Variants in PTPRG observed in about 807,000 individuals in gnomAD.
PTPRG encodes receptor-type tyrosine-protein phosphatase gamma.
In PTPRG, 102 loss-of-function variants were observed where a neutral mutation model predicts 165.3. That is an observed-to-expected ratio of 0.62 (90% confidence interval 0.53 to 0.73). The LOEUF (loss-of-function observed/expected upper bound fraction) is 0.73. PTPRG is among the 30% of genes least tolerant of loss of function. The pLI is 0.00. For missense variants in PTPRG, 1,866 were observed against 1,861.4 expected, an observed-to-expected ratio of 1.00 and a Z score of -0.05; for synonymous variants, 675 against 669.5, an observed-to-expected ratio of 1.01 and a Z score of -0.13.
rs180953053 is a variant in PTPRG at position 61,973,819 on chromosome 3, C to T, written c.191-15806C>T. On this transcript the variant is annotated intron_variant, in intron 2 of 29. Transcript: ENST00000474889. Reference sequence around the variant, plus strand: ...CTGCACTCCAGCCTTGGTGACAGAGCGAGACTCCATTTCAAAATAAATAAA... The same window carrying T: ...CTGCACTCCAGCCTTGGTGACAGAGTGAGACTCCATTTCAAAATAAATAAA... Among the ~76,000 whole-genome samples the T allele has an allele frequency of 3.7e-3, 549 of 150,148 alleles. 3 individuals are homozygous for T. The highest frequency in any genetic ancestry group is 0.011 in the African/African-American group (454 of 40,404).
chr3:62,160,219 TG>T (rs1345257241), intron 7 of PTPRG, among the ~76,000 whole-genome samples: 4 of 152,336 alleles, frequency 2.6e-5, no homozygotes, highest in Admixed American at 2.6e-4. Context: ...AGTGTTGACT[TG>T]TATGATGTGG....
At chr3:61,752,802 G>GAAAAAA (rs532651498) in intron 2 of PTPRG, among the ~76,000 whole-genome samples, 8 of 103,720 alleles carry the variant, frequency 7.7e-5, no homozygotes, top group African/African-American at 2.7e-4. Flanking sequence ...AAAAAAAAAA[G>GAAAAAA]AAAAAAAAAA....
intron 13 of PTPRG, among the ~76,000 whole-genome samples, chr3:62,227,534 G>T (rs929083900): frequency 6.6e-6 from 1 of 152,242 alleles, no homozygotes; most frequent in African/African-American, 2.4e-5. Flanking sequence ...AGAGGAAACG[G>T]TTTCCAGAAG....
chr3:61,628,465 A>G (rs1353933490), intron 1 of PTPRG, among the ~76,000 whole-genome samples: 1 of 151,950 alleles, frequency 6.6e-6, no homozygotes, highest in African/African-American at 2.4e-5. Flanking sequence ...ACAGGTGTGC[A>G]CCACCACACC....
At chr3:61,917,681 G>A (rs954885888) in intron 2 of PTPRG, among the ~76,000 whole-genome samples, 7 of 152,186 alleles carry the variant, frequency 4.6e-5, no homozygotes, top group African/African-American at 1.7e-4. Flanking sequence ...TGTAATCCCA[G>A]CACTTTGCGA....
At chr3:62,059,732 T>C (rs1377084820) in intron 4 of PTPRG, among the ~76,000 whole-genome samples, 1 of 152,160 alleles carries the variant, frequency 6.6e-6, no homozygotes, top group Non-Finnish European at 1.5e-5. Flanking sequence ...AATCCTCACA[T>C]GTCATGGGAG....
At chr3:61,984,048 C>T (rs959029133) in intron 2 of PTPRG, among the ~76,000 whole-genome samples, 2 of 152,088 alleles carry the variant, frequency 1.3e-5, no homozygotes, top group Admixed American at 6.6e-5. Flanking sequence ...CCATTATTTT[C>T]ATGTGAGGAA....
chr3:62,092,206 G>A (rs1162420463), intron 5 of PTPRG, among the ~76,000 whole-genome samples: 1 of 151,820 alleles, frequency 6.6e-6, no homozygotes, highest in Admixed American at 6.6e-5. Flanking sequence ...TTGGGAGGCC[G>A]AGGCAGGTGG....
intron 2 of PTPRG, among the ~76,000 whole-genome samples, chr3:61,871,686 A>G (rs1389612110): frequency 6.6e-6 from 1 of 152,106 alleles, no homozygotes; most frequent in Non-Finnish European, 1.5e-5. Flanking sequence ...TTAGTTTTAT[A>G]TTTTAGAACT....
At position 62,203,584 on chromosome 3, in the gene PTPRG, G is replaced by A. The variant is rs1359497383; in HGVS notation, c.1789G>A (p.Glu597Lys). 1.3e-6 allele frequency: 2 copies of A among 1,552,594 alleles called. No homozygotes were observed. Among genetic ancestry groups the A allele is most frequent in the African/African-American group, 2.7e-5 (2 of 73,230 alleles). ...ESEDGEREHE[E>K]DGEKDSEKKE... The stretch of plus-strand genomic sequence containing the variant: ...TGAGGATGGGGAGCGGGAGCACGAG[G>A]AGGATGGAGAGAAGGACTCCGAAAA... The change falls in exon 12 of 30, where the codon GAG becomes AAG. Residue 597 changes from glutamate to lysine, a missense_variant. Glu to Lys is a moderately conservative substitution (Grantham distance 56). Coordinates refer to ENST00000474889, the MANE Select transcript of PTPRG (RefSeq NM_002841.4). This position sits in a 1 kb window ranked among gnomAD's most constrained non-coding sequence, Gnocchi z 6.4.
intron 4 of PTPRG, among the ~76,000 whole-genome samples, chr3:62,040,732 G>A (rs1014738962): frequency 3.9e-5 from 6 of 152,254 alleles, no homozygotes; most frequent in African/African-American, 1.4e-4. Flanking sequence ...GTGAGCCACC[G>A]TGCCCAGCCG....
intron 7 of PTPRG, among the ~76,000 whole-genome samples, chr3:62,165,137 T>C (rs1315764999): frequency 1.3e-5 from 2 of 152,228 alleles, no homozygotes; most frequent in East Asian, 3.9e-4. Context: ...CTTCCACATA[T>C]GAGGGGCTTT....
chr3:62,174,378 C>T (rs1033991474), intron 8 of PTPRG, among the ~76,000 whole-genome samples: 3 of 152,208 alleles, frequency 2.0e-5, no homozygotes, highest in African/African-American at 4.8e-5. Context: ...GGAGAGGACA[C>T]CGGGCTGCCT....
intron 2 of PTPRG, among the ~76,000 whole-genome samples, chr3:61,789,270 T>C (rs570213925): frequency 9.2e-5 from 14 of 152,098 alleles, no homozygotes; most frequent in Non-Finnish European, 1.8e-4. Flanking sequence ...TGGCTCATTT[T>C]TTAAAATTTT....
At chr3:62,113,781 G>C (rs1702755327) in intron 5 of PTPRG, among the ~76,000 whole-genome samples, 1 of 152,154 alleles carries the variant, frequency 6.6e-6, no homozygotes, top group African/African-American at 2.4e-5. Flanking sequence ...CTAGTAATAT[G>C]TAATAATCAT....
intron 4 of PTPRG, among the ~76,000 whole-genome samples, chr3:62,043,512 C>G (rs1226539837): frequency 6.6e-6 from 1 of 152,076 alleles, no homozygotes; most frequent in Non-Finnish European, 1.5e-5. Context: ...AGAGAATAAA[C>G]AAAGATAATA....
At chr3:61,803,978 A>G (rs1162192486) in intron 2 of PTPRG, among the ~76,000 whole-genome samples, 1 of 152,232 alleles carries the variant, frequency 6.6e-6, no homozygotes, top group Admixed American at 6.5e-5. Context: ...TCAGAGGGAT[A>G]TTCTGGAAAA....
chr3:62,273,774 T>C lies in PTPRG; in HGVS notation c.3395T>C (p.Leu1132Pro). Residue 1132 changes from leucine to proline, a missense_variant, in exon 23 of 30, where the codon CTG becomes CCG. Physicochemically the swap from Leu to Pro is moderately conservative, Grantham distance 98 (BLOSUM62 -3). Transcript: ENST00000474889. This position sits in a 1 kb window ranked among gnomAD's most constrained non-coding sequence, Gnocchi z 4.1. ...GKETEVSSNQ[L>P]HSYVNSILIP... The stretch of plus-strand genomic sequence containing the variant: ...GAGACTGAAGTATCTTCAAATCAGC[T>C]GCACAGCTATGTTAACAGCATCCTT... 6.2e-7 allele frequency: 1 copy of C among 1,613,814 alleles called. No individual in the cohort carries two copies. Among genetic ancestry groups the C allele is most frequent in the Non-Finnish European group, 8.5e-7 (1 of 1,179,752 alleles).
In PTPRG at chr3:62,081,256, C is replaced by CAAAA. The variant is rs748197071; in HGVS notation, c.615+2999_615+3002dup. 6.9e-4 allele frequency among the ~76,000 whole-genome samples: 59 copies of CAAAA among 85,504 alleles called. 5 individuals are homozygous for CAAAA. The highest frequency in any genetic ancestry group is 1.1e-3 in the African/African-American group (15 of 13,772). The allele number at this position is 85,504 out of a possible 152,430, so 56.1% of individuals were successfully genotyped here. On this transcript the variant is annotated intron_variant, in intron 5 of 29. Transcript: ENST00000474889. ...TGGGCGACAGAGTGAGACTCCGTCT[C>CAAAA]AAAACAAACAAACAAACAAACAAAC... is the stretch of plus-strand genomic sequence containing the variant.
Sources: allele counts gnomAD v4.1 joint callset (sites outside exome capture counted in the v4.1 genomes callset), GRCh38; gene constraint gnomAD v4.1.1; non-coding constraint Gnocchi (gnomAD v3.1); transcripts MANE v1.5; gene names NCBI Gene and HGNC (gene_info 2026-07-23, HGNC 2026-07-21).